Variants in TYW1 observed in about 807,000 individuals in gnomAD.
TYW1 encodes the protein tRNA-yW synthesizing protein 1 homolog, also known as S-adenosyl-L-methionine-dependent tRNA 4-demethylwyosine synthase TYW1.
A neutral mutation model predicts 96.2 loss-of-function variants in TYW1; 46 were observed. The observed-to-expected ratio is 0.48, with a 90% CI of 0.38 to 0.61. The LOEUF is 0.61. Among genes scored for constraint, TYW1 ranks in the 20% least tolerant of loss-of-function variants. TYW1 has a pLI of 0.00. For synonymous variants in TYW1, 274 were observed against 323.0 expected, an observed-to-expected ratio of 0.85 and a Z score of 1.63; for missense variants, 684 against 909.6, an observed-to-expected ratio of 0.75 and a Z score of 3.19.
intron 10 of TYW1, among the ~76,000 whole-genome samples, chr7:67,080,940 G>GTTTTTTTTTTTTTTTTTTT (rs71049495): frequency 8.1e-5 from 3 of 37,252 alleles, no homozygotes; most frequent in Admixed American, 3.7e-4. Context: ...CTTTCTTACT[G>GTTTTTTTTTTTTTTTTTTT]TTTTTTTTTT....
intron 11 of TYW1, among the ~76,000 whole-genome samples, chr7:67,084,784 G>C (rs558537269): frequency 1.3e-5 from 2 of 152,210 alleles, no homozygotes; most frequent in South Asian, 4.1e-4. Flanking sequence ...CAAATTGCTG[G>C]GATTACAGGT....
At chr7:67,029,276 C>T (rs190662400) in intron 7 of TYW1, among the ~76,000 whole-genome samples, 198 of 150,738 alleles carry the variant, frequency 1.3e-3, no homozygotes, top group Middle Eastern at 3.5e-3. Context: ...TGAGCTACCG[C>T]GCCCGGCTGG....
chr7:67,125,034 G>A (rs1218828850), intron 13 of TYW1, among the ~76,000 whole-genome samples: 1 of 151,888 alleles, frequency 6.6e-6, no homozygotes, highest in Non-Finnish European at 1.5e-5. Flanking sequence ...GGTTTCACCA[G>A]TTTGGTCAGG....
intron 13 of TYW1, among the ~76,000 whole-genome samples, chr7:67,134,764 G>T (rs978998457): frequency 1.4e-5 from 2 of 143,446 alleles, no homozygotes; most frequent in Non-Finnish European, 3.0e-5. Flanking sequence ...GGAGACAAAT[G>T]TTCCATGCCC....
At chr7:67,133,413 G>GA (rs1198737103) in intron 13 of TYW1, among the ~76,000 whole-genome samples, 6 of 152,074 alleles carry the variant, frequency 3.9e-5, no homozygotes, top group African/African-American at 1.4e-4. Context: ...AAAGTGCTGG[G>GA]ATTGTCCGGG....
intron 7 of TYW1, among the ~76,000 whole-genome samples, chr7:67,045,100 A>G (rs1007765632): frequency 4.6e-5 from 7 of 152,218 alleles, no homozygotes; most frequent in African/African-American, 1.7e-4. Flanking sequence ...TAAAGTCTTC[A>G]GCAAATCAGG....
At chr7:67,117,960 G>C (rs1276383574) in intron 13 of TYW1, among the ~76,000 whole-genome samples, 1 of 152,120 alleles carries the variant, frequency 6.6e-6, no homozygotes, top group Non-Finnish European at 1.5e-5. Context: ...ACCCAACCCG[G>C]AATCTATGGA....
At chr7:67,220,605 C>A (rs189361140) in intron 15 of TYW1, among the ~76,000 whole-genome samples, 1,978 of 152,166 alleles carry the variant, frequency 0.013, 24 homozygotes, top group Middle Eastern at 0.034. Context: ...TAACTTACCG[C>A]CTTTCCTGGA....
At position 67,239,173 on chromosome 7, in the gene TYW1, C is replaced by A; in HGVS notation, c.*644C>A. On this transcript the variant is annotated 3_prime_UTR_variant, in exon 16 of 16. Coordinates refer to ENST00000359626, the MANE Select transcript of TYW1 (RefSeq NM_018264.4). ...CATTCCCATGTAAATTACCACAGACCGCAGTACCGGGGCTGGAGCGGAGTG... is the reference window on the plus strand; with the variant it reads ...CATTCCCATGTAAATTACCACAGACAGCAGTACCGGGGCTGGAGCGGAGTG... 1 of 985,712 alleles carries A rather than the reference C, an allele frequency of 1.0e-6. No individual in the cohort carries two copies. The highest frequency in any genetic ancestry group is 4.7e-5 in the South Asian group (1 of 21,306). The allele number at this position is 985,712 out of a possible 1,614,324, so 61.1% of individuals were successfully genotyped here.
chr7:67,128,752 G>C lies in TYW1; in HGVS notation c.1698+11134G>C, dbSNP rs531604231. Among the ~76,000 whole-genome samples, 109 of 147,758 alleles carry C rather than the reference G, an allele frequency of 7.4e-4. 1 individual carries two copies. Among genetic ancestry groups the C allele is most frequent in the African/African-American group, 2.7e-3 (108 of 40,080 alleles). ...GTCACAGGCTGGAGTGCAGTGGCAC[G>C]ATCTTGGCTCACTGCAACTTCTGCC... On this transcript the variant is annotated intron_variant, in intron 13 of 15. Transcript: ENST00000359626.
At chr7:67,136,957 G>A (rs1798281977) in intron 13 of TYW1, among the ~76,000 whole-genome samples, 1 of 151,516 alleles carries the variant, frequency 6.6e-6, no homozygotes, top group African/African-American at 2.4e-5. Flanking sequence ...TGAGTAGCTG[G>A]GATTACAGGT....
chr7:67,084,298 C>T (rs1796475126), intron 11 of TYW1, among the ~76,000 whole-genome samples: 2 of 152,102 alleles, frequency 1.3e-5, no homozygotes, highest in African/African-American at 4.8e-5. Context: ...CAGTTTCTTC[C>T]ATCTAATGCA....
intron 12 of TYW1, among the ~76,000 whole-genome samples, chr7:67,101,883 A>T (rs1490944835): frequency 6.6e-6 from 1 of 152,226 alleles, no homozygotes; most frequent in Non-Finnish European, 1.5e-5. Context: ...TATTGTCATA[A>T]AGATATCTAA....
At chr7:67,206,622 CAT>C (rs1554393326) in intron 15 of TYW1, among the ~76,000 whole-genome samples, 2 of 143,418 alleles carry the variant, frequency 1.4e-5, no homozygotes, top group African/African-American at 2.6e-5. Context: ...CTGTCTCAAA[CAT>C]AAATAAATAA....
At chr7:67,078,818 G>C (rs1444403530) in intron 10 of TYW1, among the ~76,000 whole-genome samples, 1 of 152,064 alleles carries the variant, frequency 6.6e-6, no homozygotes, top group East Asian at 1.9e-4. Flanking sequence ...TCAGCCTCCT[G>C]AGTAGCTGGG....
chr7:67,195,268 T>G lies in TYW1; in HGVS notation c.1908T>G (p.Asp636Glu), dbSNP rs1248509052. The G allele has an allele frequency of 1.2e-6, 2 of 1,607,002 alleles. No homozygotes were observed. Among genetic ancestry groups the G allele is most frequent in the Non-Finnish European group, 1.7e-6 (2 of 1,175,336 alleles). Reference sequence around the variant, plus strand: ...TACAGTTTGTCCACGAGTTGGTGGATCTGATCCCCGAATATGAAATTGCAT... The same window carrying G: ...TACAGTTTGTCCACGAGTTGGTGGAGCTGATCCCCGAATATGAAATTGCAT... Reference protein sequence around the residue: ...EVVQFVHELVDLIPEYEIACE... With the variant: ...EVVQFVHELVELIPEYEIACE... The change falls in exon 15 of 16, where the codon GAT becomes GAG. Residue 636 changes from aspartate (D) to glutamate (E), a missense_variant. Physicochemically the swap from Asp to Glu is conservative, Grantham distance 45. Transcript: ENST00000359626.
At chr7:67,007,861 C>T (rs1047675516) in intron 3 of TYW1, among the ~76,000 whole-genome samples, 1 of 152,168 alleles carries the variant, frequency 6.6e-6, no homozygotes, top group African/African-American at 2.4e-5. Flanking sequence ...TCTTGAACTC[C>T]TGACCTCAGG....
intron 14 of TYW1, among the ~76,000 whole-genome samples, chr7:67,191,489 C>T (rs889935213): frequency 6.6e-6 from 1 of 151,634 alleles, no homozygotes; most frequent in Non-Finnish European, 1.5e-5. Context: ...CTATTTTCTT[C>T]AGACTGTTCT....
intron 13 of TYW1, among the ~76,000 whole-genome samples, chr7:67,182,196 G>C (rs1019249220): frequency 6.6e-6 from 1 of 152,078 alleles, no homozygotes; most frequent in African/African-American, 2.4e-5. Flanking sequence ...CATTTGTTTT[G>C]GGTTCTAAAA....
Sources: gnomAD v4.1 joint callset for allele counts (sites outside exome capture counted in the v4.1 genomes callset) on GRCh38, gnomAD v4.1.1 for gene constraint, MANE v1.5 for transcripts, NCBI Gene and HGNC (gene_info 2026-07-23, HGNC 2026-07-21) for gene names.